Variants in SHROOM4 observed in about 807,000 individuals in gnomAD.
SHROOM4 encodes protein Shroom4.
SHROOM4 carries 17 observed loss-of-function variants against 80.3 expected under a neutral mutation model. The ratio of observed to expected loss-of-function variants is 0.21; its 90% confidence interval spans 0.14 to 0.32. The LOEUF (loss-of-function observed/expected upper bound fraction) is 0.32, where lower values mean the gene tolerates loss of function less well. Ranked by LOEUF, SHROOM4 falls within the 10% of genes least tolerant of loss-of-function variation. The probability of loss-of-function intolerance (pLI) is 1.00; values close to 1 mark genes in which losing one functional copy is unlikely to be tolerated. For synonymous variants in SHROOM4, 400 were observed against 437.5 expected (o/e 0.91, Z 1.07); for missense variants, 993 against 1,140.3 (o/e 0.87, Z 1.86).
chrX:50,791,574 T>C (rs1472133910), intron 1 of SHROOM4, among the ~76,000 whole-genome samples: 6 of 95,863 alleles, frequency 6.3e-5, no homozygotes, highest in Non-Finnish European at 1.0e-4. Context: ...CTACCATGCC[T>C]GACTTTTTTT....
intron 1 of SHROOM4, among the ~76,000 whole-genome samples, chrX:50,786,676 T>A (rs1273617638): frequency 1.8e-5 from 2 of 111,607 alleles, no homozygotes; most frequent in African/African-American, 6.5e-5. Flanking sequence ...TGTATAAGGC[T>A]AGGCCATGAA....
At chrX:50,582,479 C>T (rs988898075), downstream of SHROOM4, among the ~76,000 whole-genome samples, 1 of 112,195 alleles carries the variant, frequency 8.9e-6, no homozygotes. Flanking sequence ...ACTCCCTCTA[C>T]CCGGATTGTT....
At chrX:50,808,111 G>C (rs1557273157) in intron 1 of SHROOM4, among the ~76,000 whole-genome samples, 2 of 111,563 alleles carry the variant, frequency 1.8e-5, no homozygotes, top group African/African-American at 3.3e-5. Flanking sequence ...AGCTGAAAGA[G>C]CTAGGGCTCT....
At chrX:50,648,151 A>C in intron 2 of SHROOM4, among the ~76,000 whole-genome samples, 1 of 111,803 alleles carries the variant, frequency 8.9e-6, no homozygotes, top group East Asian at 2.8e-4. Flanking sequence ...TATAGGTAAG[A>C]GATAATGGTG....
chrX:50,580,480 T>C, the SHROOM4 span, among the ~76,000 whole-genome samples: 1 of 112,417 alleles, frequency 8.9e-6, no homozygotes, highest in Non-Finnish European at 1.9e-5. Context: ...TTTGAATTAA[T>C]TTTTTGCTAC....
chrX:50,697,694 T>C (rs1416731494), intron 1 of SHROOM4, among the ~76,000 whole-genome samples: 1 of 111,874 alleles, frequency 8.9e-6, no homozygotes, highest in Non-Finnish European at 1.9e-5. Flanking sequence ...CAAGCCAATA[T>C]TGGTAAATGG....
At position 50,627,623 on chromosome X, in the gene SHROOM4, T is replaced by C; in HGVS notation, c.2948A>G (p.Gln983Arg). The C allele has an allele frequency of 8.3e-7, 1 of 1,210,685 alleles. No homozygotes were observed. The highest frequency in any genetic ancestry group is 1.1e-6 in the Non-Finnish European group (1 of 894,480). ...NPITGNRKTS[Q>R]SGREMAHSKT... ...CTGAGCGCTCACTTACCTCCCTGAC[T>C]GGCTGGTCTTCCTGTTTCCTGTTAT... Residue 983 changes from glutamine to arginine, a missense_variant, in exon 5 of 9, where the codon CAG (glutamine) becomes CGG (arginine). Coordinates refer to ENST00000376020, the MANE Select transcript of SHROOM4 (RefSeq NM_020717.5).
intron 2 of SHROOM4, among the ~76,000 whole-genome samples, chrX:50,692,772 A>G (rs1933254884): frequency 8.9e-6 from 1 of 111,907 alleles, no homozygotes; most frequent in African/African-American, 3.2e-5. Context: ...AGGTACCAGC[A>G]GGTAATAGAA....
At chrX:50,667,850 A>G (rs1186226507) in intron 2 of SHROOM4, among the ~76,000 whole-genome samples, 2 of 111,742 alleles carry the variant, frequency 1.8e-5, no homozygotes, top group Non-Finnish European at 3.8e-5. Context: ...CAACCTGGAA[A>G]TACTTGTGGG....
intron 7 of SHROOM4, among the ~76,000 whole-genome samples, chrX:50,599,022 G>C (rs782720505): frequency 9.2e-6 from 1 of 109,003 alleles, no homozygotes; most frequent in Non-Finnish European, 1.9e-5. Context: ...GTGTGTGTGT[G>C]TGTGTGTGTG....
rs782753863 is a variant in SHROOM4, at chrX:50,635,108, G to A, written c.965C>T (p.Pro322Leu). The change falls in exon 4 of 9, where the codon CCT becomes CTT. Residue 322 changes from proline to leucine, a missense_variant. Coordinates refer to ENST00000376020, the MANE Select transcript of SHROOM4 (RefSeq NM_020717.5). ...CCCACTGAGGCAACAGAACCTATTA[G>A]GGTTCCTTGCGGGTAGCACAGGCTC... ...SLEPVLPARN[P>L]NRFCCLSGHD... 5.8e-6 allele frequency: 7 copies of A among 1,210,283 alleles called. No homozygotes were observed. The African/African-American group carries it at 1.0e-4, about 18-fold the overall frequency.
At chrX:50,653,856 G>C (rs1177894426) in intron 2 of SHROOM4, among the ~76,000 whole-genome samples, 1 of 112,089 alleles carries the variant, frequency 8.9e-6, no homozygotes, top group African/African-American at 3.2e-5. Context: ...TTTATGTGAT[G>C]GATTACATTT....
intron 1 of SHROOM4, among the ~76,000 whole-genome samples, chrX:50,761,594 G>T (rs1188282503): frequency 1.8e-5 from 2 of 110,806 alleles, no homozygotes; most frequent in African/African-American, 6.6e-5. Context: ...ACGGAGTCTC[G>T]CTCTGTCACC....
intron 4 of SHROOM4, among the ~76,000 whole-genome samples, chrX:50,629,060 C>A (rs368986634): frequency 8.9e-6 from 1 of 111,998 alleles, no homozygotes; most frequent in Admixed American, 9.5e-5. Flanking sequence ...GCCCTGTGGA[C>A]GTGCTCAGTA....
intron 2 of SHROOM4, among the ~76,000 whole-genome samples, chrX:50,650,181 T>C (rs1006341946): frequency 5.3e-5 from 6 of 112,495 alleles, no homozygotes; most frequent in African/African-American, 1.3e-4. Context: ...TATGCATATA[T>C]ACATATTCTT....
the SHROOM4 span, among the ~76,000 whole-genome samples, chrX:50,579,146 A>G: frequency 2.7e-5 from 3 of 112,260 alleles, no homozygotes; most frequent in Non-Finnish European, 5.6e-5. Context: ...TAACATGGGT[A>G]TTTGTTAGTT....
intron 1 of SHROOM4, among the ~76,000 whole-genome samples, chrX:50,723,911 A>G (rs192554336): frequency 4.1e-4 from 45 of 110,618 alleles, no homozygotes; most frequent in Non-Finnish European, 7.2e-4. Flanking sequence ...TTCCCTTATT[A>G]GGTCGAGACA....
rs781787089 is a variant in SHROOM4, at chrX:50,591,707, TTTCTTTC to T, written c.*4981_*4987del. On this transcript the variant is annotated 3_prime_UTR_variant, in exon 9 of 9. Coordinates refer to ENST00000376020, the MANE Select transcript of SHROOM4 (RefSeq NM_020717.5). ...TTTCTTTCTTTCTTTTCTTTCTTTCTTTCTTTCTTTCTTTCTTTCTTTCTTTTTGAGA... is the reference window on the plus strand; with the variant it reads ...TTTCTTTCTTTCTTTTCTTTCTTTCTTTTCTTTCTTTCTTTCTTTTTGAGA... 29 of 282,507 alleles carry T rather than the reference TTTCTTTC, an allele frequency of 1.0e-4. No homozygotes were observed. Among genetic ancestry groups the T allele is most frequent in the South Asian group, 3.3e-4 (10 of 30,057 alleles). 23.3% of individuals were successfully genotyped at this position (282,507 alleles called of 1,213,427 possible).
chrX:50,808,267 T>C (rs1297267703), intron 1 of SHROOM4, among the ~76,000 whole-genome samples: 2 of 112,006 alleles, frequency 1.8e-5, no homozygotes, highest in Non-Finnish European at 3.8e-5. Flanking sequence ...AGGAAAACGA[T>C]TGCAGCTTAA....
Sources: allele counts gnomAD v4.1 joint callset (sites outside exome capture counted in the v4.1 genomes callset), GRCh38; gene constraint gnomAD v4.1.1; transcripts MANE v1.5; gene names NCBI Gene and HGNC (gene_info 2026-07-23, HGNC 2026-07-21).